The following CATSPERT variants were observed in gnomAD, a reference collection of about 807,000 sequenced individuals.
CATSPERT encodes cation channel sperm-associated targeting subunit tau.
chr2:201,605,335 C>T, the CATSPERT span, among the ~76,000 whole-genome samples: 827 of 152,044 alleles, frequency 5.4e-3, 5 homozygotes, highest in Non-Finnish European at 9.1e-3. Context: ...AGAGAAGGGA[C>T]CTGAAAGAGA....
chr2:201,582,128 C>T, the CATSPERT span: 1 of 1,608,902 alleles, frequency 6.2e-7, no homozygotes, highest in East Asian at 2.2e-5. Flanking sequence ...TCTGAACACT[C>T]CCTAACAAGA....
chr2:201,494,365 G>C, the CATSPERT span: 57 of 1,537,026 alleles, frequency 3.7e-5, 1 homozygote, highest in South Asian at 6.5e-4. Flanking sequence ...AAAATTTAAA[G>C]ACTTCGAGAG....
chr2:201,518,453 T>G, the CATSPERT span, among the ~76,000 whole-genome samples: 1 of 152,310 alleles, frequency 6.6e-6, no homozygotes, highest in Admixed American at 6.5e-5. Context: ...ACAGTGAAAC[T>G]TGTGGATATC....
At chr2:201,579,500 T>C in the CATSPERT span, among the ~76,000 whole-genome samples, 1 of 151,978 alleles carries the variant, frequency 6.6e-6, no homozygotes, top group Non-Finnish European at 1.5e-5. Flanking sequence ...CCCAGGCTGG[T>C]CTCAAACTCC....
At chr2:201,508,814 T>TC in the CATSPERT span, among the ~76,000 whole-genome samples, 1 of 126,656 alleles carries the variant, frequency 7.9e-6, no homozygotes, top group Non-Finnish European at 1.7e-5. Flanking sequence ...TGACGAGATT[T>TC]CTTTTTTTTT....
At chr2:201,545,402 T>C in the CATSPERT span, 1 of 567,304 alleles carries the variant, frequency 1.8e-6, no homozygotes, top group Non-Finnish European at 3.0e-6. Context: ...ACCTACCATA[T>C]GCCAAAACTA....
chr2:201,567,023 T>C, the CATSPERT span, among the ~76,000 whole-genome samples: 1 of 152,206 alleles, frequency 6.6e-6, no homozygotes, highest in African/African-American at 2.4e-5. Context: ...AAGCTAACAT[T>C]TGAACACAGT....
the CATSPERT span, among the ~76,000 whole-genome samples, chr2:201,562,066 G>C: frequency 2.0e-5 from 3 of 151,738 alleles, no homozygotes; most frequent in Non-Finnish European, 2.9e-5. Context: ...CTTTTTCTAG[G>C]CATAATCTCT....
the CATSPERT span, chr2:201,575,216 T>C: frequency 2.3e-6 from 3 of 1,306,466 alleles, no homozygotes; most frequent in Non-Finnish European, 3.1e-6. Flanking sequence ...CAGAGTAAAG[T>C]TACATGAAAT....
chr2:201,515,238 T>TAG, the CATSPERT span, among the ~76,000 whole-genome samples: 58 of 80,734 alleles, frequency 7.2e-4, 4 homozygotes, highest in African/African-American at 3.0e-3. Flanking sequence ...TTTTTTTTTT[T>TAG]TTTTTTTTTT....
the CATSPERT span, among the ~76,000 whole-genome samples, chr2:201,601,301 TGTGTGTGTGTGTGTGG>T: frequency 1.4e-3 from 208 of 144,980 alleles, 1 homozygote; most frequent in Middle Eastern, 0.01. Context: ...TGTGTGTGTG[TGTGTGTGTGTGTGTGG>T]GTTGTAATAA....
the CATSPERT span, chr2:201,492,438 A>G: frequency 6.5e-7 from 1 of 1,532,760 alleles, no homozygotes; most frequent in South Asian, 1.2e-5. Flanking sequence ...AGTTTTGTAG[A>G]GATTTACTTA....
chr2:201,543,209 CTA>C, the CATSPERT span, among the ~76,000 whole-genome samples: 534 of 152,228 alleles, frequency 3.5e-3, 17 homozygotes, highest in East Asian at 0.084. Flanking sequence ...TTCTATTGAT[CTA>C]TATGTTTATC....
the CATSPERT span, among the ~76,000 whole-genome samples, chr2:201,534,040 TTATCTATC>T: frequency 0.13 from 18,951 of 148,508 alleles, 1,245 homozygotes; most frequent in Non-Finnish European, 0.14. Context: ...GATCTGTATA[TTATCTATC>T]TATCTATCTA....
At chr2:201,608,976 T>C in the CATSPERT span, among the ~76,000 whole-genome samples, 4 of 149,458 alleles carry the variant, frequency 2.7e-5, no homozygotes, top group East Asian at 2.0e-4. Context: ...AGAATGAAAG[T>C]AAAGGGATAG....
the CATSPERT span, among the ~76,000 whole-genome samples, chr2:201,617,583 T>C: frequency 1.8e-3 from 277 of 152,276 alleles, 1 homozygote; most frequent in African/African-American, 6.1e-3. Context: ...ACTTAAATGT[T>C]AGACCTAAAA....
chr2:201,587,236 GT>G, the CATSPERT span, among the ~76,000 whole-genome samples: 1 of 151,888 alleles, frequency 6.6e-6, no homozygotes, highest in Non-Finnish European at 1.5e-5. Flanking sequence ...AAACTCAATT[GT>G]CTTTTGGATA....
the CATSPERT span, among the ~76,000 whole-genome samples, chr2:201,488,516 T>C: frequency 6.6e-6 from 1 of 152,198 alleles, no homozygotes; most frequent in African/African-American, 2.4e-5. Flanking sequence ...TTTGGTAAAA[T>C]AACTGGAAGG....
At chr2:201,617,842 G>A in the CATSPERT span, among the ~76,000 whole-genome samples, 3 of 152,008 alleles carry the variant, frequency 2.0e-5, no homozygotes, top group African/African-American at 7.3e-5. Context: ...AATCTACAAA[G>A]AACTGAAACA....
Sources: gnomAD v4.1 joint callset for allele counts (sites outside exome capture counted in the v4.1 genomes callset) on GRCh38, gnomAD v4.1.1 for gene constraint, MANE v1.5 for transcripts, NCBI Gene and HGNC (gene_info 2026-07-23, HGNC 2026-07-21) for gene names.